Variants in NOL4L observed in about 807,000 individuals in gnomAD.
The protein encoded by NOL4L is nucleolar protein 4-like.
A neutral mutation model predicts 64.5 loss-of-function variants in NOL4L; 7 were observed. That is an observed-to-expected ratio of 0.11 (90% CI 0.06 to 0.20). NOL4L has a LOEUF of 0.20. Ranked by LOEUF, NOL4L falls within the 10% of genes least tolerant of loss-of-function variation. The pLI, the probability that NOL4L is intolerant of heterozygous loss-of-function variation, is 1.00. For missense variants in NOL4L, 680 were observed against 967.1 expected (o/e 0.70, Z 3.94); for synonymous variants, 413 against 401.0 (o/e 1.03, Z -0.36).
At chr20:32,508,393 G>A (rs2017224522) in intron 4 of NOL4L, among the ~76,000 whole-genome samples, 1 of 152,224 alleles carries the variant, frequency 6.6e-6, no homozygotes, top group South Asian at 2.1e-4. Flanking sequence ...ATAATCTGGT[G>A]AGCCATGTGA....
At chr20:32,503,534 C>T (rs150805537) in intron 4 of NOL4L, among the ~76,000 whole-genome samples, 12 of 152,162 alleles carry the variant, frequency 7.9e-5, no homozygotes, top group African/African-American at 2.9e-4. Flanking sequence ...GCAGCAGACC[C>T]CATATCCTCA....
chr20:32,496,930 T>C (rs2016711836), intron 4 of NOL4L, among the ~76,000 whole-genome samples: 1 of 152,034 alleles, frequency 6.6e-6, no homozygotes, highest in African/African-American at 2.4e-5. Flanking sequence ...GCAGCTGTGC[T>C]GTGTGCCTCT....
rs547182928 is a variant in NOL4L at position 32,514,562 on chromosome 20, T to C, written c.590-3106A>G. 9.9e-5 allele frequency among the ~76,000 whole-genome samples: 15 copies of C among 151,120 alleles called. 1 individual carries two copies. Among genetic ancestry groups the C allele is most frequent in the African/African-American group, 3.7e-4 (15 of 41,030 alleles). ...TGGCCTGAAAGGAACCACCCCCTCC[T>C]CCTCCTTTTTTTAAGAGAGACTTCT... On this transcript the variant is annotated intron_variant, in intron 3 of 10. Coordinates refer to ENST00000621426, the MANE Select transcript of NOL4L (RefSeq NM_001256798.2).
chr20:32,453,726 G>T lies in NOL4L; in HGVS notation c.1155C>A (p.Ile385=). 1 of 1,556,112 alleles carries T rather than the reference G, an allele frequency of 6.4e-7. No individual in the cohort carries two copies. Among genetic ancestry groups the T allele is most frequent in the Middle Eastern group, 1.7e-4 (1 of 5,992 alleles). ...PPYSSGSYDS[I]KTEVSGCPED... ...CAGGGCAGCCGCTGACCTCGGTCTT[G>T]ATGGAATCGTAGCTCCCAGAGCTGT... The change falls in exon 7 of 11, where the codon ATC becomes ATA. Residue 385 remains isoleucine, a synonymous_variant. Transcript: ENST00000621426. This position sits in a 1 kb window ranked among gnomAD's most constrained non-coding sequence, Gnocchi z 5.6.
chr20:32,469,905 C>A (rs959376325), intron 5 of NOL4L, among the ~76,000 whole-genome samples: 1 of 152,218 alleles, frequency 6.6e-6, no homozygotes, highest in Non-Finnish European at 1.5e-5. Context: ...TGGCCAAGAA[C>A]CTGGAAGAGC....
intron 1 of NOL4L, among the ~76,000 whole-genome samples, chr20:32,565,238 A>G (rs1979351685): frequency 6.6e-6 from 1 of 150,574 alleles, no homozygotes; most frequent in South Asian, 2.1e-4. Flanking sequence ...GGATGGACAC[A>G]CAGGCCGAGT....
intron 4 of NOL4L, among the ~76,000 whole-genome samples, chr20:32,494,433 A>C (rs2145524962): frequency 2.0e-5 from 3 of 147,708 alleles, no homozygotes; most frequent in East Asian, 2.0e-4. Context: ...TCCCCTGCCT[A>C]CCTCCCTCTC....
At chr20:32,484,560 C>A (rs1215872957) in intron 4 of NOL4L, among the ~76,000 whole-genome samples, 1 of 152,116 alleles carries the variant, frequency 6.6e-6, no homozygotes, top group African/African-American at 2.4e-5. Flanking sequence ...TCTACGCGAC[C>A]CCCAGCGCCC....
At chr20:32,475,456 AT>A (rs2015328095) in intron 4 of NOL4L, 2 of 445,796 alleles carry the variant, frequency 4.5e-6, no homozygotes, top group Non-Finnish European at 5.9e-6. Flanking sequence ...AAACAGCCGG[AT>A]GGCCTGCTAG....
chr20:32,495,062 G>C (rs908525536), intron 4 of NOL4L, among the ~76,000 whole-genome samples: 2 of 152,184 alleles, frequency 1.3e-5, no homozygotes, highest in Non-Finnish European at 2.9e-5. Context: ...GGGGTGCTAC[G>C]CTACGTCCAG....
intron 1 of NOL4L, among the ~76,000 whole-genome samples, chr20:32,576,100 T>C (rs551501421): frequency 6.6e-6 from 1 of 152,316 alleles, no homozygotes; most frequent in South Asian, 2.1e-4. Flanking sequence ...CTCTGCAGGC[T>C]ACTGGGAAGG....
intron 1 of NOL4L, among the ~76,000 whole-genome samples, chr20:32,555,449 A>G (rs1978588794): frequency 6.6e-6 from 1 of 151,926 alleles, no homozygotes; most frequent in Non-Finnish European, 1.5e-5. Context: ...ACAGGCATGT[A>G]ACACCATGCC....
intron 1 of NOL4L, among the ~76,000 whole-genome samples, chr20:32,536,826 C>CGG (rs1246424504): frequency 6.1e-3 from 26 of 4,270 alleles, no homozygotes; most frequent in African/African-American, 0.014. Context: ...ACCAACGGGG[C>CGG]GGGGGGGGGA....
At chr20:32,521,481 C>A (rs557657641) in intron 2 of NOL4L, among the ~76,000 whole-genome samples, 1 of 152,264 alleles carries the variant, frequency 6.6e-6, no homozygotes, top group East Asian at 1.9e-4. Flanking sequence ...ATGTTCCAGG[C>A]AACTATGGCT....
intron 3 of NOL4L, among the ~76,000 whole-genome samples, chr20:32,517,059 G>A (rs933277019): frequency 1.2e-4 from 18 of 152,168 alleles, no homozygotes; most frequent in African/African-American, 4.3e-4. Context: ...AGGAGGTCCT[G>A]GAATTTCCCG....
intron 1 of NOL4L, among the ~76,000 whole-genome samples, chr20:32,538,902 A>G (rs952012101): frequency 6.6e-6 from 1 of 152,156 alleles, no homozygotes; most frequent in Non-Finnish European, 1.5e-5. Context: ...ACATACACTG[A>G]GTAATGTGCA....
intron 4 of NOL4L, 123 bp downstream of exon 4, chr20:32,511,224 T>A (rs1236659905): frequency 3.1e-6 from 2 of 644,960 alleles, no homozygotes; most frequent in Non-Finnish European, 5.5e-6. Flanking sequence ...GATAACCAGA[T>A]AAGGGCCTCT....
chr20:32,563,898 C>G (rs1334234040), intron 1 of NOL4L, among the ~76,000 whole-genome samples: 4 of 152,242 alleles, frequency 2.6e-5, no homozygotes, highest in Admixed American at 2.0e-4. Flanking sequence ...GGGCCCTAAG[C>G]GTATCCTCGG....
Position 32,456,108 on chromosome 20 carries a change from C to A in NOL4L, c.1119+10G>T, listed in dbSNP as rs1231988639. ...AGAAAGAAATGGACTCAGCCCCCAG[C>A]CCCACACACCTCGGGGGTGGTCTTC... On this transcript the variant is annotated intron_variant, in intron 6 of 10. Transcript: ENST00000621426. The A allele has an allele frequency of 8.7e-6, 13 of 1,497,232 alleles. No individual in the cohort carries two copies. Among genetic ancestry groups the A allele is most frequent in the Non-Finnish European group, 1.2e-5 (13 of 1,121,900 alleles). 92.7% of individuals were successfully genotyped at this position (1,497,232 alleles called of 1,614,324 possible). A position where few individuals can be genotyped will look rare whatever the true frequency, so the allele number is the denominator to read the frequency against.
Sources: gnomAD v4.1 joint callset for allele counts (sites outside exome capture counted in the v4.1 genomes callset) on GRCh38, gnomAD v4.1.1 for gene constraint, Gnocchi (gnomAD v3.1) non-coding constraint, MANE v1.5 for transcripts, NCBI Gene and HGNC (gene_info 2026-07-23, HGNC 2026-07-21) for gene names.